DNAH1: variants seen among roughly 807,000 people sequenced by gnomAD.
The protein encoded by DNAH1 is dynein axonemal heavy chain 1.
In DNAH1, 327 loss-of-function variants were observed where a neutral mutation model predicts 484.3. The observed-to-expected ratio is 0.68, with a 90% CI of 0.62 to 0.74. The LOEUF (loss-of-function observed/expected upper bound fraction) is 0.74, where lower values mean the gene tolerates loss of function less well. Ranked by LOEUF, DNAH1 falls within the 30% of genes least tolerant of loss-of-function variation. DNAH1 has a pLI of 0.00. For synonymous variants in DNAH1, 2,192 were observed against 2,191.9 expected (o/e 1.00, Z 0.00); for missense variants, 5,052 against 5,546.8 (o/e 0.91, Z 2.83).
intron 46 of DNAH1, 66 bp downstream of exon 46, chr3:52,376,059 G>A: frequency 6.3e-7 from 1 of 1,579,726 alleles, no homozygotes; most frequent in East Asian, 2.3e-5. Context: ...CTGGTTGGGT[G>A]TGTTGAGGCT....
At position 52,370,799 on chromosome 3, in the gene DNAH1, G is replaced by T; in HGVS notation, c.6499G>T (p.Glu2167Ter). The change falls in exon 41 of 78, where the codon GAG (glutamate) becomes TAG (stop). Residue 2167 changes from glutamate (E) to a stop codon, truncating the protein, a stop_gained. Transcript: ENST00000420323. LOFTEE classifies it high-confidence loss of function. The part of the protein sequence containing the change: ...DAGISGTNDS[E>*]DEEEEYKQVA... ...GGGCATCAGTGGCACCAACGACAGT[G>T]AGGATGAAGAGGAGGAATACAAGCA... The T allele has an allele frequency of 6.2e-7, 1 of 1,604,128 alleles. No individual in the cohort carries two copies. The highest frequency in any genetic ancestry group is 8.5e-7 in the Non-Finnish European group (1 of 1,175,718).
chr3:52,378,035 G>A (rs749404775), intron 46 of DNAH1, among the ~76,000 whole-genome samples: 4 of 152,060 alleles, frequency 2.6e-5, no homozygotes, highest in Non-Finnish European at 5.9e-5. Context: ...CCACTTCTCC[G>A]CCAAGTTTCC....
intron 60 of DNAH1, 74 bp from the exon 61 acceptor site, chr3:52,390,861 G>A (rs1217327863): frequency 3.1e-5 from 48 of 1,541,826 alleles, no homozygotes; most frequent in Non-Finnish European, 3.7e-5. Context: ...ACACGAGGCC[G>A]GGAGATGCTG....
chr3:52,331,164 G>C lies in DNAH1; in HGVS notation c.888G>C (p.Gln296His), dbSNP rs200450328. ...CTGTTTCAGAGGACCCCAAGAGTCA[G>C]AAGCTGAAGTACAAATGGTGCGAGG... ...DFLGHEDPKS[Q>H]KLKYKWCEVG... is the part of the protein sequence containing the mutation. The change falls in exon 7 of 78, where the codon CAG becomes CAC. Residue 296 changes from glutamine to histidine, a missense_variant. This residue lies in a region of DNAH1 where 1,263 missense variants were observed against 1,218.8 expected (regional missense o/e 1.04). Transcript: ENST00000420323. The C allele has an allele frequency of 3.9e-4, 621 of 1,597,516 alleles. 3 individuals are homozygous for C. The highest frequency in any genetic ancestry group is 2.4e-3 in the South Asian group (211 of 88,118).
Position 52,350,103 on chromosome 3 carries a change from C to T in DNAH1, c.2641C>T (p.Leu881=). 1 of 1,611,120 alleles carries T rather than the reference C, an allele frequency of 6.2e-7. No homozygotes were observed. The highest frequency in any genetic ancestry group is 1.1e-5 in the South Asian group (1 of 90,544). ...GGGCATCCCGGAGAGGCTGGTGGGC[C>T]TGGAGGTGAGGCAGGCACACGGGCA... ...MKGIPERLVG[L]EERIVKVMDD... is the part of the protein sequence containing the mutation. Residue 881 remains leucine (L), a synonymous_variant, in exon 15 of 78, where the codon CTG becomes TTG. Transcript: ENST00000420323.
intron 16 of DNAH1, among the ~76,000 whole-genome samples, chr3:52,351,703 C>T (rs762839127): frequency 2.8e-4 from 43 of 152,326 alleles, no homozygotes; most frequent in South Asian, 1.4e-3. Context: ...CACTGGGCAC[C>T]TTGGGTCTGC....
intron 50 of DNAH1, 53 bp downstream of exon 50, chr3:52,382,508 T>G: frequency 6.2e-7 from 1 of 1,602,876 alleles, no homozygotes; most frequent in Non-Finnish European, 8.5e-7. Context: ...CACAACCCCA[T>G]CTGAGCATAG....
chr3:52,315,808 G>A (rs1007736425), upstream of DNAH1, among the ~76,000 whole-genome samples: 4 of 152,210 alleles, frequency 2.6e-5, no homozygotes, highest in African/African-American at 7.2e-5. Context: ...GAACCCTTGC[G>A]CAGCCATGGG....
At position 52,361,173 on chromosome 3, in the gene DNAH1, G is replaced by A; in HGVS notation, c.4695G>A (p.Leu1565=). 3 of 1,607,242 alleles carry A rather than the reference G, an allele frequency of 1.9e-6. No individual in the cohort carries two copies. The highest frequency in any genetic ancestry group is 2.5e-6 in the Non-Finnish European group (3 of 1,177,076). The change falls in exon 29 of 78, where the codon CTG becomes CTA. Residue 1565 remains leucine (L), a synonymous_variant. Coordinates refer to ENST00000420323, the MANE Select transcript of DNAH1 (RefSeq NM_015512.5). The surrounding 1 kb of genome is among the most constrained non-coding windows in gnomAD (Gnocchi z 5.6). ...CCTCTGTCTCCTGCAGGTGCTACCT[G>A]ACACTGACCGGAGCTCTGCACCTCA... The part of the protein sequence containing the change: ...VITPLTDRCY[L]TLTGALHLKF...
rs1703832889 is a variant in DNAH1, at chr3:52,381,267, ATTTTTATTTTTAT to A, written c.7609-361_7609-349del. 1.3e-5 allele frequency among the ~76,000 whole-genome samples: 2 copies of A among 151,904 alleles called. No homozygotes were observed. The highest frequency in any genetic ancestry group is 6.6e-5 in the Admixed American group (1 of 15,242). On this transcript the variant is annotated intron_variant, in intron 48 of 77. Coordinates refer to ENST00000420323, the MANE Select transcript of DNAH1 (RefSeq NM_015512.5). This position sits in a 1 kb window ranked among gnomAD's most constrained non-coding sequence, Gnocchi z 4.1. ...AGGCACGCACCACCACGCCCAGCTAATTTTTATTTTTATTTTTTATTTTTTGGTAGAGGCAGAG... is the reference window on the plus strand; with the variant it reads ...AGGCACGCACCACCACGCCCAGCTAATTTTTATTTTTTGGTAGAGGCAGAG...
Position 52,368,640 on chromosome 3 carries a change from G to C in DNAH1, c.5766-101G>C. 7.8e-7 allele frequency: 1 copy of C among 1,288,472 alleles called. No individual in the cohort carries two copies. The highest frequency in any genetic ancestry group is 1.4e-5 in the South Asian group (1 of 70,840). 79.8% of individuals were successfully genotyped at this position (1,288,472 alleles called of 1,614,324 possible). ...AAAAGAACAAAGAGATTGAAGGAAA[G>C]TAGAGCCCGCCCACCCGGCGGCCAG... On this transcript the variant is annotated intron_variant, in intron 36 of 77. Coordinates refer to ENST00000420323, the MANE Select transcript of DNAH1 (RefSeq NM_015512.5). The surrounding 1 kb of genome is among the most constrained non-coding windows in gnomAD (Gnocchi z 4.4).
chr3:52,354,755 C>A, intron 20 of DNAH1, 88 bp from the exon 21 acceptor site: 2 of 1,353,304 alleles, frequency 1.5e-6, no homozygotes, highest in Non-Finnish European at 2.1e-6. Flanking sequence ...TGGCCAGGTA[C>A]TGTCTGCTGC....
At chr3:52,372,500 G>A (rs1484298816) in intron 43 of DNAH1, 113 bp downstream of exon 43, 5 of 1,434,134 alleles carry the variant, frequency 3.5e-6, no homozygotes, top group Non-Finnish European at 4.7e-6. Context: ...GAACCTCCCA[G>A]GGGGAGCTGA....
At chr3:52,396,190 T>C (rs936040862) in intron 70 of DNAH1, among the ~76,000 whole-genome samples, 178 bp from the exon 71 acceptor site, 8 of 151,994 alleles carry the variant, frequency 5.3e-5, no homozygotes, top group East Asian at 3.9e-4. Flanking sequence ...GCCTTGGCCT[T>C]CCAAAGTGCT....
rs545164892 is a variant in DNAH1 at position 52,399,559 on chromosome 3, A to G, written c.12456A>G (p.Ala4152=). ...ISFDFKVMFE[A]PSELTQRPQV... ...TCTACCCACAGGTGATGTTTGAGGC[A>G]CCATCAGAGTTAACACAAAGACCCC... The change falls in exon 77 of 78, where the codon GCA becomes GCG. Residue 4152 remains alanine, a synonymous_variant. Transcript: ENST00000420323. The G allele has an allele frequency of 6.2e-6, 10 of 1,609,880 alleles. No homozygotes were observed. Among genetic ancestry groups the G allele is most frequent in the Admixed American group, 1.7e-5 (1 of 59,786 alleles).
At chr3:52,337,156 G>T (rs1701768384) in intron 8 of DNAH1, among the ~76,000 whole-genome samples, 1 of 152,146 alleles carries the variant, frequency 6.6e-6, no homozygotes, top group South Asian at 2.1e-4. Flanking sequence ...TTGGTTAAAT[G>T]TATTCCTAGG....
At chr3:52,375,853 C>A in intron 45 of DNAH1, 102 bp from the exon 46 acceptor site, 1 of 1,374,508 alleles carries the variant, frequency 7.3e-7, no homozygotes, top group South Asian at 1.2e-5. Flanking sequence ...TGGGGAAAAG[C>A]TTACCCCAAG....
At chr3:52,352,127 T>G (rs774053742) in intron 17 of DNAH1, 24 bp downstream of exon 17, 2 of 1,561,848 alleles carry the variant, frequency 1.3e-6, no homozygotes, top group Non-Finnish European at 1.7e-6. Context: ...GCAGGCTTGG[T>G]GCTGGACACA....
chr3:52,392,405 C>G lies in DNAH1; in HGVS notation c.10053-59C>G, dbSNP rs1197233598. On this transcript the variant is annotated intron_variant, in intron 63 of 77. Transcript: ENST00000420323. Reference sequence around the variant, plus strand: ...ACAGGTGGATGGGTGACCAGGTTCACGACTAGCCCTCCGGGGCCCACCAGG... The same window carrying G: ...ACAGGTGGATGGGTGACCAGGTTCAGGACTAGCCCTCCGGGGCCCACCAGG... The G allele has an allele frequency of 7.2e-6, 11 of 1,523,406 alleles. No homozygotes were observed. In the East Asian group the frequency reaches 2.5e-4, roughly 35 times the overall value. The allele number at this position is 1,523,406 out of a possible 1,614,324, so 94.4% of individuals were successfully genotyped here. A position where few individuals can be genotyped will look rare whatever the true frequency, so the allele number is the denominator to read the frequency against.
Sources: allele counts gnomAD v4.1 joint callset (sites outside exome capture counted in the v4.1 genomes callset), GRCh38; gene constraint gnomAD v4.1.1; regional missense constraint gnomAD v4.1.1; non-coding constraint Gnocchi (gnomAD v3.1); transcripts MANE v1.5; gene names NCBI Gene and HGNC (gene_info 2026-07-23, HGNC 2026-07-21).